The following MEI4 variants were observed in gnomAD, a reference collection of about 807,000 sequenced individuals.
MEI4 encodes the protein meiotic double-stranded break formation protein 4.
Under a neutral mutation model 31.4 loss-of-function variants are expected in MEI4, and 27 were observed. That is an observed-to-expected ratio of 0.86 (90% CI 0.63 to 1.19). MEI4 has a LOEUF of 1.19. Ranked by LOEUF, MEI4 falls within the 50% of genes most tolerant of loss-of-function variation. MEI4 has a pLI of 0.00. For missense variants in MEI4, 329 were observed against 398.9 expected (o/e 0.82, Z 1.49); for synonymous variants, 122 against 145.4 (o/e 0.84, Z 1.16).
At chr6:77,680,293 A>T (rs566246335) in intron 1 of MEI4, among the ~76,000 whole-genome samples, 165 of 151,136 alleles carry the variant, frequency 1.1e-3, no homozygotes, top group African/African-American at 2.6e-3. Context: ...AAAAATAAAA[A>T]AAAAATAAAA....
chr6:77,847,603 A>C lies in MEI4; in HGVS notation c.900+18541A>C, dbSNP rs1196051274. Reference sequence around the variant, plus strand: ...TAATTTTCTGATGCAATCGAAACCTAATGCCTTCTATGAAGACTTCTCTAA... The same window carrying C: ...TAATTTTCTGATGCAATCGAAACCTCATGCCTTCTATGAAGACTTCTCTAA... On this transcript the variant is annotated intron_variant, in intron 4 of 4. Coordinates refer to ENST00000684080, the MANE Select transcript of MEI4 (RefSeq NM_001322247.2). This position sits in a 1 kb window ranked among gnomAD's most constrained non-coding sequence, Gnocchi z 4.6. Among the ~76,000 whole-genome samples the C allele has an allele frequency of 6.6e-6, 1 of 152,166 alleles. No individual in the cohort carries two copies. Among genetic ancestry groups the C allele is most frequent in the Non-Finnish European group, 1.5e-5 (1 of 68,026 alleles).
chr6:77,902,900 G>A (rs1581964896), intron 4 of MEI4, among the ~76,000 whole-genome samples: 2 of 152,154 alleles, frequency 1.3e-5, no homozygotes, highest in Admixed American at 1.3e-4. Context: ...ACCACCTCGG[G>A]CACATGTCAT....
At chr6:77,740,536 C>G (rs1767372408) in intron 2 of MEI4, among the ~76,000 whole-genome samples, 1 of 152,122 alleles carries the variant, frequency 6.6e-6, no homozygotes, top group African/African-American at 2.4e-5. Flanking sequence ...CTGAAACACT[C>G]ATATCACAAT....
intron 2 of MEI4, among the ~76,000 whole-genome samples, chr6:77,714,180 A>C (rs1380129251): frequency 6.6e-6 from 1 of 151,960 alleles, no homozygotes; most frequent in Non-Finnish European, 1.5e-5. Flanking sequence ...ATTGTGATGA[A>C]ATTGTCTGTA....
In MEI4 at chr6:77,923,140, T is replaced by C; in HGVS notation, c.952T>C (p.Trp318Arg). 1 of 1,230,632 alleles carries C rather than the reference T, an allele frequency of 8.1e-7. No homozygotes were observed. The allele number at this position is 1,230,632 out of a possible 1,614,324, so 76.2% of individuals were successfully genotyped here. A position where few individuals can be genotyped will look rare whatever the true frequency, so the allele number is the denominator to read the frequency against. The change falls in exon 5 of 5, where the codon TGG (tryptophan) becomes CGG (arginine). Residue 318 changes from tryptophan to arginine, a missense_variant. By Grantham distance (101) the Trp-to-Arg change is moderately radical. Transcript: ENST00000684080. Reference protein sequence around the residue: ...SRYENIFYLFWVLEQLLQKET... With the variant: ...SRYENIFYLFRVLEQLLQKET... ...CTATGAAAACATTTTCTACCTGTTC[T>C]GGGTTCTGGAGCAGCTTCTTCAAAA...
chr6:77,838,166 G>A (rs932203039), intron 4 of MEI4, among the ~76,000 whole-genome samples: 3 of 152,102 alleles, frequency 2.0e-5, no homozygotes, highest in Admixed American at 1.3e-4. Context: ...ATCTTCAGGA[G>A]CAAGTTTTCA....
chr6:77,750,574 C>T (rs888987456), intron 2 of MEI4, among the ~76,000 whole-genome samples: 2 of 152,134 alleles, frequency 1.3e-5, no homozygotes, highest in Non-Finnish European at 2.9e-5. Context: ...AGCTAATTAT[C>T]CTAAATATAT....
chr6:77,668,357 A>C (rs1238439761), intron 1 of MEI4, among the ~76,000 whole-genome samples: 1 of 152,152 alleles, frequency 6.6e-6, no homozygotes, highest in Non-Finnish European at 1.5e-5. Context: ...AGGAATTTCT[A>C]AGAGCTGATT....
rs147243609 is a variant in MEI4, at chr6:77,825,656, G to A, written c.769-3275G>A. ...AAATGTTTTAAATATCTATAATTCT[G>A]ATTCTTGTTTTCAACAGGTTATAGG... On this transcript the variant is annotated intron_variant, in intron 3 of 4. Coordinates refer to ENST00000684080, the MANE Select transcript of MEI4 (RefSeq NM_001322247.2). 1.4e-3 allele frequency among the ~76,000 whole-genome samples: 213 copies of A among 152,174 alleles called. 1 individual carries two copies. The highest frequency in any genetic ancestry group is 4.5e-3 in the African/African-American group (187 of 41,514).
At chr6:77,881,074 A>G (rs1246480095) in intron 4 of MEI4, among the ~76,000 whole-genome samples, 1 of 138,532 alleles carries the variant, frequency 7.2e-6, no homozygotes, top group African/African-American at 2.8e-5. Flanking sequence ...TTTTTCTGTA[A>G]CTACTTACTG....
intron 3 of MEI4, among the ~76,000 whole-genome samples, chr6:77,789,675 CAG>C (rs1160290312): frequency 1.1e-4 from 17 of 152,266 alleles, no homozygotes; most frequent in Admixed American, 2.6e-4. Flanking sequence ...CACTGGCCAT[CAG>C]AGAAATGTAA....
At chr6:77,690,410 A>G (rs1004333619) in intron 1 of MEI4, among the ~76,000 whole-genome samples, 6 of 152,042 alleles carry the variant, frequency 3.9e-5, no homozygotes, top group African/African-American at 1.4e-4. Flanking sequence ...TTCCATCCCA[A>G]GAAGTTGTCA....
intron 1 of MEI4, among the ~76,000 whole-genome samples, chr6:77,684,874 A>G (rs1180100510): frequency 6.6e-6 from 1 of 152,136 alleles, no homozygotes; most frequent in Non-Finnish European, 1.5e-5. Context: ...ACCCAAAGTG[A>G]GATTGCTGCA....
chr6:77,716,899 G>A (rs1037533085), intron 2 of MEI4: 1 of 968,836 alleles, frequency 1.0e-6, no homozygotes, highest in African/African-American at 1.8e-5. Flanking sequence ...TAAGTGACCA[G>A]GAGGTCACTT....
At chr6:77,691,183 A>C (rs929937954) in intron 2 of MEI4, among the ~76,000 whole-genome samples, 1 of 151,958 alleles carries the variant, frequency 6.6e-6, no homozygotes, top group Non-Finnish European at 1.5e-5. Flanking sequence ...TTATTTTACT[A>C]TACATTTTAT....
In MEI4 at chr6:77,807,147, GTT is replaced by G. The variant is rs11336125; in HGVS notation, c.769-21770_769-21769del. 5.7e-3 allele frequency among the ~76,000 whole-genome samples: 811 copies of G among 143,020 alleles called. 3 individuals carry two copies. Among genetic ancestry groups the G allele is most frequent in the African/African-American group, 0.016 (621 of 38,780 alleles). 93.8% of individuals were successfully genotyped at this position (143,020 alleles called of 152,430 possible). A position where few individuals can be genotyped will look rare whatever the true frequency, so the allele number is the denominator to read the frequency against. On this transcript the variant is annotated intron_variant, in intron 3 of 4. Coordinates refer to ENST00000684080, the MANE Select transcript of MEI4 (RefSeq NM_001322247.2). Reference sequence around the variant, plus strand: ...CTTTGGAAATAGGTGTGCTTCATAAGTTTTTTTTTTTTTTTCTTAAGAATGGA... The same window carrying G: ...CTTTGGAAATAGGTGTGCTTCATAAGTTTTTTTTTTTTTCTTAAGAATGGA...
At chr6:77,913,545 C>G (rs1362909971) in intron 4 of MEI4, among the ~76,000 whole-genome samples, 1 of 151,964 alleles carries the variant, frequency 6.6e-6, no homozygotes, top group Non-Finnish European at 1.5e-5. Context: ...ATTTATTTAT[C>G]TCCTCGAGAT....
At chr6:77,652,128 TAGG>T (rs752052326), upstream of MEI4, among the ~76,000 whole-genome samples, 30 of 152,250 alleles carry the variant, frequency 2.0e-4, no homozygotes, top group Non-Finnish European at 3.2e-4. Context: ...CTAGGTCACT[TAGG>T]AGCATTGTTG....
At chr6:77,853,582 C>G (rs1402491643) in intron 4 of MEI4, among the ~76,000 whole-genome samples, 1 of 152,174 alleles carries the variant, frequency 6.6e-6, no homozygotes, top group East Asian at 1.9e-4. Flanking sequence ...CAATGTGCAT[C>G]AGGGTGCTTT....
Sources: allele counts gnomAD v4.1 joint callset (sites outside exome capture counted in the v4.1 genomes callset), GRCh38; gene constraint gnomAD v4.1.1; non-coding constraint Gnocchi (gnomAD v3.1); transcripts MANE v1.5; gene names NCBI Gene and HGNC (gene_info 2026-07-23, HGNC 2026-07-21).